The following FBXO25 variants were observed in gnomAD, a reference collection of about 807,000 sequenced individuals.
The protein encoded by FBXO25 is F-box only protein 25.
Under a neutral mutation model 51.9 loss-of-function variants are expected in FBXO25, and 45 were observed. The ratio of observed to expected loss-of-function variants is 0.87; its 90% CI spans 0.68 to 1.11. The LOEUF is 1.11. FBXO25 is among the 50% of genes most tolerant of loss of function. The pLI, the probability that FBXO25 is intolerant of heterozygous loss-of-function variation, is 0.00. For missense variants in FBXO25, 507 were observed against 428.5 expected (o/e 1.18, Z -1.62); for synonymous variants, 199 against 151.0 (o/e 1.32, Z -2.33).
chr8:416,373 G>A (rs994955760), intron 2 of FBXO25, among the ~76,000 whole-genome samples: 4 of 152,224 alleles, frequency 2.6e-5, no homozygotes, highest in African/African-American at 7.2e-5. Flanking sequence ...ACCTTAGGTT[G>A]ATTTAAAATT....
intron 5 of FBXO25, among the ~76,000 whole-genome samples, chr8:444,403 A>T (rs1798613484): frequency 6.6e-6 from 1 of 152,214 alleles, no homozygotes; most frequent in African/African-American, 2.4e-5. Context: ...CTCGAATTTC[A>T]AATAGCTGTG....
chr8:470,292 A>G lies in FBXO25; in HGVS notation c.*1488A>G, dbSNP rs1800437210. 1 of 152,200 alleles carries G rather than the reference A, an allele frequency of 6.6e-6. No homozygotes were observed. The highest frequency in any genetic ancestry group is 1.5e-5 in the Non-Finnish European group (1 of 68,038). 9.4% of individuals were successfully genotyped at this position (152,200 alleles called of 1,614,324 possible). ...TACAACCACTGGTAGTACAGCCAAC[A>G]TCATGAGTCAAACATATTTTAAGGC... On this transcript the variant is annotated 3_prime_UTR_variant, in exon 10 of 10. Coordinates refer to ENST00000350302, the MANE Select transcript of FBXO25 (RefSeq NM_183420.2).
At chr8:451,525 CA>C in intron 7 of FBXO25, 72 bp downstream of exon 7, 1 of 1,346,038 alleles carries the variant, frequency 7.4e-7, no homozygotes, top group Non-Finnish European at 1.0e-6. Flanking sequence ...TCTAAGCATA[CA>C]TGAAAGACTG....
chr8:425,644 A>G lies in FBXO25; in HGVS notation c.135-5697A>G, dbSNP rs571845846. Among the ~76,000 whole-genome samples, 3 of 151,938 alleles carry G rather than the reference A, an allele frequency of 2.0e-5. No individual in the cohort carries two copies. The South Asian group carries it at 6.2e-4, about 32-fold the overall frequency. ...TGTATTGATATAGGTATTTAATGCT[A>G]TAAAGTTGCCTGTGACAGTTACTTT... On this transcript the variant is annotated intron_variant, in intron 2 of 9. Transcript: ENST00000350302.
chr8:430,828 A>T (rs1797780648), intron 2 of FBXO25, among the ~76,000 whole-genome samples: 1 of 152,218 alleles, frequency 6.6e-6, no homozygotes, highest in Admixed American at 6.5e-5. Context: ...ATGTCACTTC[A>T]CCTGGTTCCA....
chr8:417,997 A>G (rs145097701), intron 2 of FBXO25, among the ~76,000 whole-genome samples: 50 of 152,168 alleles, frequency 3.3e-4, no homozygotes, highest in African/African-American at 1.2e-3. Context: ...ACCAGTTTAT[A>G]CTCTGCATAG....
chr8:440,249 C>G (rs1474451861), intron 5 of FBXO25, among the ~76,000 whole-genome samples: 2 of 152,192 alleles, frequency 1.3e-5, no homozygotes, highest in Non-Finnish European at 2.9e-5. Flanking sequence ...CCTCAGAGCA[C>G]TGTTAGAAAG....
At chr8:412,764 A>G (rs1309191480) in intron 1 of FBXO25, among the ~76,000 whole-genome samples, 3 of 152,196 alleles carry the variant, frequency 2.0e-5, no homozygotes, top group Non-Finnish European at 4.4e-5. Context: ...GTTTGGAATA[A>G]TATTCCCTAT....
chr8:437,739 AT>A (rs34339077), intron 5 of FBXO25, among the ~76,000 whole-genome samples: 9,241 of 137,846 alleles, frequency 0.067, 272 homozygotes, highest in Middle Eastern at 0.086. Flanking sequence ...AGTGTGTGCT[AT>A]TTTTTTTTTT....
At position 451,354 on chromosome 8, in the gene FBXO25, A is replaced by G. The variant is rs1023512139; in HGVS notation, c.561A>G (p.Val187=). 1.2e-6 allele frequency: 2 copies of G among 1,613,860 alleles called. No individual in the cohort carries two copies. Among genetic ancestry groups the G allele is most frequent in the African/African-American group, 2.7e-5 (2 of 74,926 alleles). ...CCCTCTGCATTCTTATTAGAGGAGTAGGGAAGTCTGTATTAGTGGGAAACA... is the reference window on the plus strand; with the variant it reads ...CCCTCTGCATTCTTATTAGAGGAGTGGGGAAGTCTGTATTAGTGGGAAACA... ...SSTLCILIRG[V]GKSVLVGNIN... Residue 187 remains valine, a synonymous_variant, in exon 7 of 10, where the codon GTA becomes GTG. Coordinates refer to ENST00000350302, the MANE Select transcript of FBXO25 (RefSeq NM_183420.2).
Position 468,641 on chromosome 8 carries a change from G to C in FBXO25, c.988-74G>C, listed in dbSNP as rs957780653. 10 of 1,146,360 alleles carry C rather than the reference G, an allele frequency of 8.7e-6. No individual in the cohort carries two copies. The African/African-American group carries it at 1.1e-4, about 12-fold the overall frequency. 71.0% of individuals were successfully genotyped at this position (1,146,360 alleles called of 1,614,324 possible). On this transcript the variant is annotated intron_variant, in intron 9 of 9. Transcript: ENST00000350302. ...GGGTCCACATCAACAAGCAGCTGAC[G>C]ACCCCTCAAGCACCATCACTAGAGT...
rs561875423 is a variant in FBXO25 at position 447,275 on chromosome 8, GGA to G, written c.382-2709_382-2708del. 9.2e-5 allele frequency among the ~76,000 whole-genome samples: 14 copies of G among 152,242 alleles called. No individual in the cohort carries two copies. The East Asian group carries it at 2.7e-3, about 29-fold the overall frequency. ...CACATACATGCAGGTAGCGGCTGGG[GGA>G]GAGAGTGGTGGAACTGGGAAGGCTG... On this transcript the variant is annotated intron_variant, in intron 5 of 9. Coordinates refer to ENST00000350302, the MANE Select transcript of FBXO25 (RefSeq NM_183420.2).
At chr8:438,391 A>G (rs533379473) in intron 5 of FBXO25, among the ~76,000 whole-genome samples, 1 of 152,264 alleles carries the variant, frequency 6.6e-6, no homozygotes, top group East Asian at 1.9e-4. Flanking sequence ...ATGTAAAATC[A>G]TTTTTTCCAT....
At chr8:461,273 G>C (rs944184995) in intron 8 of FBXO25, among the ~76,000 whole-genome samples, 3 of 152,158 alleles carry the variant, frequency 2.0e-5, no homozygotes, top group Admixed American at 6.5e-5. Context: ...ATCTGTATTA[G>C]TCCATTCTCC....
chr8:408,301 A>G (rs1039252220), intron 1 of FBXO25, among the ~76,000 whole-genome samples: 3 of 151,714 alleles, frequency 2.0e-5, no homozygotes, highest in African/African-American at 4.8e-5. Flanking sequence ...ACTTGAAATC[A>G]TATTAGTGAT....
chr8:464,622 C>G (rs1402331573), intron 9 of FBXO25, among the ~76,000 whole-genome samples: 2 of 152,208 alleles, frequency 1.3e-5, no homozygotes, highest in African/African-American at 4.8e-5. Context: ...ATACGGCAAA[C>G]TCTAGGTTGT....
At chr8:438,832 C>G (rs890242461) in intron 5 of FBXO25, among the ~76,000 whole-genome samples, 1 of 152,210 alleles carries the variant, frequency 6.6e-6, no homozygotes, top group East Asian at 1.9e-4. Flanking sequence ...CTGGCTGGGA[C>G]CTTGGCCTCA....
intron 7 of FBXO25, among the ~76,000 whole-genome samples, chr8:452,438 G>A (rs1419626811): frequency 6.6e-6 from 1 of 152,128 alleles, no homozygotes; most frequent in African/African-American, 2.4e-5. Context: ...GGTGGGTTGT[G>A]CTAAAAGTCC....
chr8:436,270 C>G (rs1304531497), intron 5 of FBXO25, among the ~76,000 whole-genome samples: 2 of 151,942 alleles, frequency 1.3e-5, no homozygotes, highest in African/African-American at 4.8e-5. Context: ...TTGCTTTTGT[C>G]CAAAGATTAA....
Sources: gnomAD v4.1 joint callset for allele counts (sites outside exome capture counted in the v4.1 genomes callset) on GRCh38, gnomAD v4.1.1 for gene constraint, MANE v1.5 for transcripts, NCBI Gene and HGNC (gene_info 2026-07-23, HGNC 2026-07-21) for gene names.